The following ZNF385D variants were observed in gnomAD, a reference collection of about 807,000 sequenced individuals.
ZNF385D encodes the protein zinc finger protein 385D.
ZNF385D carries 15 observed loss-of-function variants against 35.8 expected under a neutral mutation model. The ratio of observed to expected loss-of-function variants is 0.42; its 90% CI spans 0.28 to 0.64. The LOEUF (loss-of-function observed/expected upper bound fraction) is 0.64. Among genes scored for constraint, ZNF385D ranks in the 30% least tolerant of loss-of-function variants. The pLI is 0.23. For synonymous variants in ZNF385D, 212 were observed against 186.8 expected, an observed-to-expected ratio of 1.13 and a Z score of -1.10; for missense variants, 474 against 494.6, an observed-to-expected ratio of 0.96 and a Z score of 0.39.
At chr3:22,150,150 T>G (rs567335116) in intron 3 of ZNF385D, among the ~76,000 whole-genome samples, 4 of 152,148 alleles carry the variant, frequency 2.6e-5, no homozygotes, top group African/African-American at 9.7e-5. Context: ...CCAGAAATAA[T>G]TAGAAAAGCT....
chr3:21,679,093 C>A (rs1361823113), intron 1 of ZNF385D, among the ~76,000 whole-genome samples: 2 of 150,788 alleles, frequency 1.3e-5, no homozygotes, highest in Non-Finnish European at 2.9e-5. Flanking sequence ...AGAGGGCAGG[C>A]TTTGTCATCA....
At chr3:21,910,724 C>CG (rs767157114) in intron 3 of ZNF385D, among the ~76,000 whole-genome samples, 2 of 150,790 alleles carry the variant, frequency 1.3e-5, no homozygotes, top group Non-Finnish European at 3.0e-5. Context: ...GGCCAGGGGA[C>CG]GGGGGGCAGA....
Position 21,437,173 on chromosome 3 carries a change from G to C in ZNF385D, c.470C>G (p.Thr157Arg). The change falls in exon 5 of 8, where the codon ACG (threonine) becomes AGG (arginine). Residue 157 changes from threonine to arginine, a missense_variant. By Grantham distance (71) the Thr-to-Arg change is moderately conservative. Transcript: ENST00000281523. Reference sequence around the variant, plus strand: ...TTTGCGGATTTCCACAGTTGTCGTCGTTGATATTGCTGGTGTCCCTGCAGT... The same window carrying C: ...TTTGCGGATTTCCACAGTTGTCGTCCTTGATATTGCTGGTGTCCCTGCAGT... ...DGTAGTPAIS[T>R]TTTVEIRKSS... is the part of the protein sequence containing the mutation. 1 of 1,613,604 alleles carries C rather than the reference G, an allele frequency of 6.2e-7. No homozygotes were observed. Among genetic ancestry groups the C allele is most frequent in the Non-Finnish European group, 8.5e-7 (1 of 1,179,822 alleles).
intron 3 of ZNF385D, among the ~76,000 whole-genome samples, chr3:21,558,054 T>G (rs927442615): frequency 6.6e-6 from 1 of 152,002 alleles, no homozygotes; most frequent in African/African-American, 2.4e-5. Flanking sequence ...TCTTTATTAG[T>G]CTGGCTAGCA....
chr3:22,256,989 C>CAGAA (rs1559482675), intron 2 of ZNF385D, among the ~76,000 whole-genome samples: 6 of 151,674 alleles, frequency 4.0e-5, no homozygotes, highest in Non-Finnish European at 7.4e-5. Context: ...AAACCCAAGA[C>CAGAA]CTCAGATGAA....
chr3:21,870,105 A>G (rs1190843938), intron 3 of ZNF385D, among the ~76,000 whole-genome samples: 3 of 152,114 alleles, frequency 2.0e-5, no homozygotes, highest in Non-Finnish European at 4.4e-5. Context: ...TATACACTAA[A>G]AATGTATAAC....
intron 3 of ZNF385D, among the ~76,000 whole-genome samples, chr3:21,862,096 G>C (rs1697084789): frequency 6.6e-6 from 1 of 152,076 alleles, no homozygotes; most frequent in Non-Finnish European, 1.5e-5. Context: ...TACAAAAAAA[G>C]TAGAGTAGGT....
At chr3:21,888,117 T>A (rs1198664059) in intron 3 of ZNF385D, among the ~76,000 whole-genome samples, 2 of 152,172 alleles carry the variant, frequency 1.3e-5, no homozygotes, top group Non-Finnish European at 2.9e-5. Context: ...ATAATTTTTT[T>A]AAATTCTAGT....
chr3:21,801,258 T>C (rs1435890117), intron 3 of ZNF385D, among the ~76,000 whole-genome samples: 1 of 152,160 alleles, frequency 6.6e-6, no homozygotes, highest in Non-Finnish European at 1.5e-5. Flanking sequence ...TGTGTGTCAG[T>C]ATTCATTAGA....
chr3:21,769,304 TG>T (rs1319288701), intron 3 of ZNF385D, among the ~76,000 whole-genome samples: 3 of 127,710 alleles, frequency 2.3e-5, no homozygotes, highest in Non-Finnish European at 4.9e-5. Context: ...GTCCCTGTTT[TG>T]CAGATGACAT....
At chr3:21,770,252 C>A (rs2125609150) in intron 3 of ZNF385D, among the ~76,000 whole-genome samples, 1 of 152,160 alleles carries the variant, frequency 6.6e-6, no homozygotes, top group Non-Finnish European at 1.5e-5. Context: ...TCTAATTAAA[C>A]TAAAGAGCTT....
chr3:21,797,776 C>T (rs543111399), intron 3 of ZNF385D, among the ~76,000 whole-genome samples: 1 of 151,744 alleles, frequency 6.6e-6, no homozygotes, highest in African/African-American at 2.4e-5. Context: ...ATGATTTCAA[C>T]TATATGACAA....
intron 3 of ZNF385D, among the ~76,000 whole-genome samples, chr3:21,786,354 G>A (rs1295255925): frequency 3.9e-5 from 6 of 152,020 alleles, no homozygotes; most frequent in African/African-American, 7.3e-5. Flanking sequence ...GCCAAGAAAG[G>A]TTTGAGAACA....
At position 21,534,643 on chromosome 3, in the gene ZNF385D, C is replaced by G. The variant is rs188577763; in HGVS notation, c.277-23620G>C. On this transcript the variant is annotated intron_variant, in intron 3 of 7. Transcript: ENST00000281523. ...TTTATGATCTTCACTGGCAGCTGAT[C>G]AAATGCAAACTCTTAACTTACAGCC... 2.2e-4 allele frequency among the ~76,000 whole-genome samples: 33 copies of G among 152,108 alleles called. 1 individual carries two copies. Among genetic ancestry groups the G allele is most frequent in the Non-Finnish European group, 4.4e-4 (30 of 68,030 alleles).
At chr3:22,118,238 C>T (rs775949146) in intron 3 of ZNF385D, among the ~76,000 whole-genome samples, 2 of 151,962 alleles carry the variant, frequency 1.3e-5, no homozygotes, top group Non-Finnish European at 2.9e-5. Context: ...CATTATTTCC[C>T]TGAGTTTAGT....
intron 3 of ZNF385D, among the ~76,000 whole-genome samples, chr3:22,114,452 C>T (rs1209515874): frequency 2.0e-5 from 3 of 151,862 alleles, no homozygotes; most frequent in East Asian, 3.9e-4. Context: ...TGTGTTTTCC[C>T]AGAAATAATA....
chr3:21,584,428 G>C (rs936134655), intron 2 of ZNF385D, among the ~76,000 whole-genome samples: 4 of 151,974 alleles, frequency 2.6e-5, no homozygotes, highest in Non-Finnish European at 5.9e-5. Context: ...TAATATTTTT[G>C]TCTGCTGGCT....
intron 3 of ZNF385D, among the ~76,000 whole-genome samples, chr3:22,061,649 A>G (rs1269640874): frequency 6.6e-6 from 1 of 152,152 alleles, no homozygotes; most frequent in African/African-American, 2.4e-5. Flanking sequence ...CATCCATACA[A>G]TGAGTGTCGA....
chr3:21,959,177 G>C (rs576458235), intron 3 of ZNF385D, among the ~76,000 whole-genome samples: 4 of 152,186 alleles, frequency 2.6e-5, no homozygotes, highest in African/African-American at 9.7e-5. Context: ...ATACAGCAAT[G>C]TGAGAATCTT....
Sources: allele counts gnomAD v4.1 joint callset (sites outside exome capture counted in the v4.1 genomes callset), GRCh38; gene constraint gnomAD v4.1.1; transcripts MANE v1.5; gene names NCBI Gene and HGNC (gene_info 2026-07-23, HGNC 2026-07-21).